The following DPP10 variants were observed in gnomAD, a reference collection of about 807,000 sequenced individuals.
The protein encoded by DPP10 is dipeptidyl peptidase like 10, also known as inactive dipeptidyl peptidase 10.
Under a neutral mutation model 120.9 loss-of-function variants are expected in DPP10, and 33 were observed. The observed-to-expected ratio is 0.27, with a 90% confidence interval of 0.21 to 0.37. The LOEUF is 0.37. Among genes scored for constraint, DPP10 ranks in the 10% least tolerant of loss-of-function variants. The pLI is 1.00. For missense variants in DPP10, 816 were observed against 942.8 expected, an observed-to-expected ratio of 0.87 and a Z score of 1.76; for synonymous variants, 337 against 326.1, an observed-to-expected ratio of 1.03 and a Z score of -0.36.
At chr2:114,484,537 G>A (rs2104696616) in intron 1 of DPP10, among the ~76,000 whole-genome samples, 2 of 152,220 alleles carry the variant, frequency 1.3e-5, no homozygotes, top group Middle Eastern at 6.8e-3. Context: ...GCTACCCAAT[G>A]TGTTAACTAT....
intron 3 of DPP10, among the ~76,000 whole-genome samples, chr2:115,431,137 G>A (rs1013762951): frequency 6.6e-6 from 1 of 152,182 alleles, no homozygotes; most frequent in Non-Finnish European, 1.5e-5. Flanking sequence ...AATATAGCTC[G>A]CGAAAGCGAA....
intron 25 of DPP10, among the ~76,000 whole-genome samples, chr2:115,841,747 A>G (rs1690171161): frequency 6.6e-6 from 1 of 152,234 alleles, no homozygotes; most frequent in Non-Finnish European, 1.5e-5. Context: ...GAATTGTCAA[A>G]GTAAATAATT....
intron 1 of DPP10, among the ~76,000 whole-genome samples, chr2:115,116,665 G>A (rs1403688279): frequency 6.6e-6 from 1 of 152,112 alleles, no homozygotes; most frequent in East Asian, 1.9e-4. Context: ...TTAAAGATAA[G>A]AAAACTGAGA....
intron 1 of DPP10, among the ~76,000 whole-genome samples, chr2:114,826,859 A>T (rs1395734902): frequency 6.6e-6 from 1 of 152,192 alleles, no homozygotes; most frequent in Non-Finnish European, 1.5e-5. Context: ...AAGTCTGATG[A>T]AAGAAATGGA....
At chr2:115,769,479 G>A (rs981693449) in intron 13 of DPP10, among the ~76,000 whole-genome samples, 1 of 151,930 alleles carries the variant, frequency 6.6e-6, no homozygotes, top group African/African-American at 2.4e-5. Context: ...AATTAAAATA[G>A]TTGTCATTGT....
Position 115,797,313 on chromosome 2 carries a change from C to T in DPP10, c.1700+5957C>T, listed in dbSNP as rs544154133. ...TTGTTTCATAGATTCCTAGGGTTTTCGCAGATCAGATTGTGAGAGGTGAGT... is the reference window on the plus strand; with the variant it reads ...TTGTTTCATAGATTCCTAGGGTTTTTGCAGATCAGATTGTGAGAGGTGAGT... On this transcript the variant is annotated intron_variant, in intron 19 of 25. Coordinates refer to ENST00000410059, the MANE Select transcript of DPP10 (RefSeq NM_020868.6). Among the ~76,000 whole-genome samples the T allele has an allele frequency of 1.5e-3, 222 of 152,018 alleles. 1 individual carries two copies. Among genetic ancestry groups the T allele is most frequent in the Middle Eastern group, 3.4e-3 (1 of 294 alleles).
intron 3 of DPP10, among the ~76,000 whole-genome samples, chr2:115,432,009 A>G (rs1328981192): frequency 1.3e-5 from 2 of 152,138 alleles, no homozygotes. Flanking sequence ...GTATAGTGAT[A>G]AAAATGATGC....
intron 3 of DPP10, among the ~76,000 whole-genome samples, chr2:115,365,476 C>T (rs1199009823): frequency 6.6e-6 from 1 of 151,884 alleles, no homozygotes; most frequent in East Asian, 1.9e-4. Context: ...AAATGCATTA[C>T]TCAAAACATG....
chr2:114,488,325 A>G lies in DPP10; in HGVS notation c.60+45487A>G, dbSNP rs561169367. ...TCTCAAGTAAGTTACTTTGTGCCTC[A>G]GTTTCTTTATCTGTAACGTGATGAT... On this transcript the variant is annotated intron_variant, in intron 1 of 25. Coordinates refer to ENST00000410059, the MANE Select transcript of DPP10 (RefSeq NM_020868.6). Among the ~76,000 whole-genome samples the G allele has an allele frequency of 4.6e-3, 699 of 152,206 alleles. 3 individuals are homozygous for G. The highest frequency in any genetic ancestry group is 0.016 in the African/African-American group (660 of 41,536).
At chr2:115,712,086 T>C (rs1266111489) in intron 7 of DPP10, among the ~76,000 whole-genome samples, 1 of 151,634 alleles carries the variant, frequency 6.6e-6, no homozygotes, top group African/African-American at 2.4e-5. Flanking sequence ...ATTGTGCACT[T>C]GATTACTATG....
intron 1 of DPP10, among the ~76,000 whole-genome samples, chr2:115,230,031 A>C (rs1159043877): frequency 1.3e-5 from 2 of 151,774 alleles, no homozygotes; most frequent in Non-Finnish European, 2.9e-5. Context: ...TTTTAACAAT[A>C]TTGATTCTTC....
chr2:115,658,430 C>G (rs2088599254), intron 5 of DPP10, among the ~76,000 whole-genome samples: 1 of 151,848 alleles, frequency 6.6e-6, no homozygotes, highest in Non-Finnish European at 1.5e-5. Flanking sequence ...TAAAATCTCT[C>G]TCTCTTTTTA....
intron 5 of DPP10, among the ~76,000 whole-genome samples, chr2:115,622,723 CT>C (rs1259425928): frequency 2.5e-4 from 38 of 151,138 alleles, no homozygotes; most frequent in African/African-American, 9.0e-4. Flanking sequence ...ACTTCTACAT[CT>C]TTTTTAATAT....
At chr2:114,678,039 G>T (rs1420242071) in intron 1 of DPP10, among the ~76,000 whole-genome samples, 1 of 151,986 alleles carries the variant, frequency 6.6e-6, no homozygotes, top group Non-Finnish European at 1.5e-5. Flanking sequence ...AATGAATTAG[G>T]TTATATTGAT....
At chr2:114,906,687 T>C (rs1260545609) in intron 1 of DPP10, among the ~76,000 whole-genome samples, 1 of 152,180 alleles carries the variant, frequency 6.6e-6, no homozygotes, top group Non-Finnish European at 1.5e-5. Flanking sequence ...GAACCAACCT[T>C]GCATCCTCAG....
At chr2:115,583,730 A>G (rs2082130135) in intron 5 of DPP10, among the ~76,000 whole-genome samples, 2 of 152,208 alleles carry the variant, frequency 1.3e-5, no homozygotes, top group Non-Finnish European at 2.9e-5. Flanking sequence ...GGAAAGAGGT[A>G]TAGACACAAC....
At chr2:115,388,310 A>G (rs1471875704) in intron 3 of DPP10, among the ~76,000 whole-genome samples, 2 of 152,234 alleles carry the variant, frequency 1.3e-5, no homozygotes, top group East Asian at 3.8e-4. Flanking sequence ...TAAGGTGGAA[A>G]TTGGATTTTA....
intron 2 of DPP10, among the ~76,000 whole-genome samples, chr2:115,324,327 T>A (rs1381827062): frequency 6.6e-6 from 1 of 152,112 alleles, no homozygotes; most frequent in Admixed American, 6.5e-5. Context: ...AGCTGTTTTG[T>A]CTACATTGAA....
intron 19 of DPP10, among the ~76,000 whole-genome samples, chr2:115,809,946 G>A (rs1429575618): frequency 2.6e-5 from 4 of 152,102 alleles, no homozygotes; most frequent in African/African-American, 9.7e-5. Flanking sequence ...GGCGGATCAC[G>A]AGGTCAGGAG....
Sources: allele counts gnomAD v4.1 joint callset (sites outside exome capture counted in the v4.1 genomes callset), GRCh38; gene constraint gnomAD v4.1.1; transcripts MANE v1.5; gene names NCBI Gene and HGNC (gene_info 2026-07-23, HGNC 2026-07-21).